ODAD2: variants seen among roughly 807,000 people sequenced by gnomAD.
ODAD2 encodes the protein outer dynein arm-docking complex subunit 2.
Under a neutral mutation model 106.8 loss-of-function variants are expected in ODAD2, and 89 were observed. That is an observed-to-expected ratio of 0.83 (90% CI 0.70 to 0.99). The LOEUF is 0.99. Among genes scored for constraint, ODAD2 ranks in the 50% least tolerant of loss-of-function variants. The probability of loss-of-function intolerance (pLI) is 0.00; values close to 1 mark genes in which losing one functional copy is unlikely to be tolerated. For synonymous variants in ODAD2, 404 were observed against 436.2 expected (o/e 0.93, Z 0.92); for missense variants, 1,168 against 1,238.5 (o/e 0.94, Z 0.85).
Position 27,983,909 on chromosome 10 carries a change from C to A in ODAD2, c.753G>T (p.Leu251=), listed in dbSNP as rs200508883. The A allele has an allele frequency of 1.9e-6, 3 of 1,608,096 alleles. No individual in the cohort carries two copies. The highest frequency in any genetic ancestry group is 2.5e-6 in the Non-Finnish European group (3 of 1,178,678). Residue 251 remains leucine, a synonymous_variant, in exon 6 of 20, where the codon CTG becomes CTT. Coordinates refer to ENST00000305242, the MANE Select transcript of ODAD2 (RefSeq NM_018076.5). ...GAGTCTCACCATCGTGAGGTTTCACCAGCACATAACAAATTTCCCCACGAA... is the reference window on the plus strand; with the variant it reads ...GAGTCTCACCATCGTGAGGTTTCACAAGCACATAACAAATTTCCCCACGAA... ...RQIRGEICYV[L]VKPHDGETLC...
At position 27,944,442 on chromosome 10, in the gene ODAD2, A is replaced by C. The variant is rs1366354982; in HGVS notation, c.1534-11T>G. The C allele has an allele frequency of 2.5e-6, 4 of 1,607,672 alleles. No individual in the cohort carries two copies. The highest frequency in any genetic ancestry group is 3.4e-6 in the Non-Finnish European group (4 of 1,174,356). On this transcript the variant is annotated splice_polypyrimidine_tract_variant and intron_variant, in intron 11 of 19. Transcript: ENST00000305242. The stretch of plus-strand genomic sequence containing the variant: ...TTTTAATGAACCAATCTGTGTGAGA[A>C]AAAAAAAGATGAGTGGCGAATATGT...
chr10:27,989,273 G>A (rs1185416772), intron 2 of ODAD2, among the ~76,000 whole-genome samples: 1 of 152,164 alleles, frequency 6.6e-6, no homozygotes, highest in East Asian at 1.9e-4. Context: ...ATTCTGCTGG[G>A]TGCAGATAGG....
chr10:27,926,957 C>G (rs1030394980), intron 16 of ODAD2, among the ~76,000 whole-genome samples: 1 of 151,994 alleles, frequency 6.6e-6, no homozygotes, highest in African/African-American at 2.4e-5. Context: ...ATTCAGCACA[C>G]GTAAATCTAC....
chr10:27,916,420 G>GT (rs1471854884), intron 16 of ODAD2, among the ~76,000 whole-genome samples: 1 of 152,114 alleles, frequency 6.6e-6, no homozygotes, highest in Admixed American at 6.6e-5. Context: ...GATCAAATAA[G>GT]TAAGGACGGA....
intron 15 of ODAD2, among the ~76,000 whole-genome samples, chr10:27,936,376 C>G (rs540915067): frequency 1.3e-5 from 2 of 152,316 alleles, no homozygotes; most frequent in African/African-American, 4.8e-5. Flanking sequence ...AACAAAATCA[C>G]TTCCATCTCT....
intron 17 of ODAD2, among the ~76,000 whole-genome samples, chr10:27,898,691 A>G (rs1842999455): frequency 2.0e-5 from 3 of 152,276 alleles, no homozygotes; most frequent in Admixed American, 6.5e-5. Flanking sequence ...TAGGAATTAT[A>G]TTATATATCT....
At chr10:27,931,782 T>C (rs577883034) in intron 16 of ODAD2, among the ~76,000 whole-genome samples, 12 of 149,040 alleles carry the variant, frequency 8.1e-5, no homozygotes, top group Non-Finnish European at 1.5e-4. Flanking sequence ...ATGACTTACA[T>C]AGAAATCATT....
chr10:27,980,647 T>C (rs1849486960), intron 7 of ODAD2, among the ~76,000 whole-genome samples: 1 of 152,238 alleles, frequency 6.6e-6, no homozygotes, highest in Admixed American at 6.5e-5. Flanking sequence ...ACTACGATGT[T>C]TATAATTAAA....
chr10:27,841,800 G>A (rs998528597), intron 19 of ODAD2, among the ~76,000 whole-genome samples: 1 of 151,920 alleles, frequency 6.6e-6, no homozygotes, highest in African/African-American at 2.4e-5. Context: ...TGTCATTCAG[G>A]CTGGAGTATG....
intron 19 of ODAD2, among the ~76,000 whole-genome samples, chr10:27,816,359 G>A (rs953725889): frequency 6.6e-6 from 1 of 152,228 alleles, no homozygotes; most frequent in Non-Finnish European, 1.5e-5. Context: ...TCTGTATGAG[G>A]GAAACAGGGA....
chr10:27,978,658 G>C (rs1259611207), intron 7 of ODAD2, among the ~76,000 whole-genome samples: 1 of 151,876 alleles, frequency 6.6e-6, no homozygotes, highest in Non-Finnish European at 1.5e-5. Context: ...CGGGTGTGGT[G>C]GTGTGCACCT....
chr10:27,884,553 C>T (rs1206934944), intron 17 of ODAD2, among the ~76,000 whole-genome samples: 1 of 152,048 alleles, frequency 6.6e-6, no homozygotes, highest in East Asian at 1.9e-4. Flanking sequence ...CTGTGGGCTA[C>T]TTGAGGGACT....
Position 27,992,250 on chromosome 10 carries a change from A to C in ODAD2, c.224+2669T>G, listed in dbSNP as rs767220064. ...CTACCCTTCCAACATCAAAGATATC[A>C]ATAACGGTCAGACACAAAAAGAATG... On this transcript the variant is annotated intron_variant, in intron 2 of 19. Transcript: ENST00000305242. Among the ~76,000 whole-genome samples, 8 of 152,366 alleles carry C rather than the reference A, an allele frequency of 5.3e-5. No homozygotes were observed. In the Middle Eastern group the frequency reaches 0.014, roughly 259 times the overall value.
intron 1 of ODAD2, among the ~76,000 whole-genome samples, chr10:27,996,610 CT>C (rs1850572342): frequency 6.6e-6 from 1 of 152,140 alleles, no homozygotes; most frequent in East Asian, 1.9e-4. Flanking sequence ...TTTTTCTGCA[CT>C]TTGCAAAAAT....
At chr10:27,874,178 C>A (rs937959230) in intron 17 of ODAD2, among the ~76,000 whole-genome samples, 1 of 152,134 alleles carries the variant, frequency 6.6e-6, no homozygotes, top group Non-Finnish European at 1.5e-5. Flanking sequence ...AGGATTGCAA[C>A]CCCTGCCTTT....
At chr10:27,833,929 T>C (rs1017849555) in intron 19 of ODAD2, among the ~76,000 whole-genome samples, 1 of 152,188 alleles carries the variant, frequency 6.6e-6, no homozygotes, top group African/African-American at 2.4e-5. Flanking sequence ...AACATGGGGA[T>C]TGGGAGAACA....
chr10:27,859,694 A>T (rs1227965260), intron 19 of ODAD2, among the ~76,000 whole-genome samples: 1 of 152,168 alleles, frequency 6.6e-6, no homozygotes, highest in Non-Finnish European at 1.5e-5. Context: ...TTTTAAATCA[A>T]TTTTTCCTAA....
chr10:27,873,719 G>A (rs1432965209), intron 17 of ODAD2, among the ~76,000 whole-genome samples: 7 of 152,204 alleles, frequency 4.6e-5, no homozygotes, highest in South Asian at 4.1e-4. Context: ...TGGTCTGAGA[G>A]ACAGTTTGTT....
intron 17 of ODAD2, among the ~76,000 whole-genome samples, chr10:27,879,216 TTC>T (rs1841549783): frequency 6.6e-6 from 1 of 152,180 alleles, no homozygotes; most frequent in South Asian, 2.1e-4. Context: ...AGATGCAGTA[TTC>T]CATTTATGAG....
Sources: gnomAD v4.1 joint callset for allele counts (sites outside exome capture counted in the v4.1 genomes callset) on GRCh38, gnomAD v4.1.1 for gene constraint, MANE v1.5 for transcripts, NCBI Gene and HGNC (gene_info 2026-07-23, HGNC 2026-07-21) for gene names.